SNX2: variants seen among roughly 807,000 people sequenced by gnomAD.
The protein encoded by SNX2 is sorting nexin 2, also known as sorting nexin-2.
A neutral mutation model predicts 69.9 loss-of-function variants in SNX2; 25 were observed. That is an observed-to-expected ratio of 0.36 (90% confidence interval 0.26 to 0.50). The LOEUF (loss-of-function observed/expected upper bound fraction) is 0.50, where lower values mean the gene tolerates loss of function less well. SNX2 is among the 20% of genes least tolerant of loss of function. The pLI is 0.97. For missense variants in SNX2, 551 were observed against 613.3 expected (o/e 0.90, Z 1.07); for synonymous variants, 229 against 200.4 (o/e 1.14, Z -1.20).
At chr5:122,789,146 T>C (rs1753154608) in intron 1 of SNX2, among the ~76,000 whole-genome samples, 2 of 152,180 alleles carry the variant, frequency 1.3e-5, no homozygotes, top group Non-Finnish European at 1.5e-5. Flanking sequence ...CTGTGGGCAG[T>C]GGTTCTAATC....
chr5:122,787,902 TCTTTA>T (rs1169659463), intron 1 of SNX2, among the ~76,000 whole-genome samples: 49 of 152,354 alleles, frequency 3.2e-4, no homozygotes, highest in African/African-American at 1.1e-3. Context: ...TGTATTATAA[TCTTTA>T]CTTCAACAGT....
chr5:122,820,915 A>T (rs140915853), intron 11 of SNX2, among the ~76,000 whole-genome samples: 10 of 152,310 alleles, frequency 6.6e-5, no homozygotes, highest in African/African-American at 2.2e-4. Flanking sequence ...CCAAATATCT[A>T]TTTACATATA....
intron 11 of SNX2, among the ~76,000 whole-genome samples, chr5:122,821,486 C>A (rs560340095): frequency 6.7e-6 from 1 of 149,700 alleles, no homozygotes; most frequent in African/African-American, 2.5e-5. Context: ...GACGGAGACT[C>A]GCTCTGTCGC....
intron 2 of SNX2, among the ~76,000 whole-genome samples, chr5:122,798,018 G>A (rs1370750927): frequency 6.6e-6 from 1 of 152,130 alleles, no homozygotes; most frequent in Non-Finnish European, 1.5e-5. Context: ...TCTTAATAAA[G>A]TTACTATCTC....
At position 122,779,537 on chromosome 5, in the gene SNX2, AGTTT is replaced by A. The variant is rs777442200; in HGVS notation, c.108+4331_108+4334del. 1.7e-3 allele frequency among the ~76,000 whole-genome samples: 256 copies of A among 152,254 alleles called. 1 individual carries two copies. The highest frequency in any genetic ancestry group is 3.2e-3 in the Non-Finnish European group (215 of 68,010). On this transcript the variant is annotated intron_variant, in intron 1 of 14. Coordinates refer to ENST00000379516, the MANE Select transcript of SNX2 (RefSeq NM_003100.4). ...ATATTCTATAGTATGGCTGTACCAC[AGTTT>A]GTTTAACCATTTGTTGATGGACATT...
chr5:122,782,220 T>A (rs951377485), intron 1 of SNX2, among the ~76,000 whole-genome samples: 2 of 152,174 alleles, frequency 1.3e-5, no homozygotes, highest in Non-Finnish European at 2.9e-5. Flanking sequence ...TGTGTCCTTT[T>A]ACATCTTTTG....
intron 11 of SNX2, among the ~76,000 whole-genome samples, chr5:122,822,749 G>C (rs1754052546): frequency 6.6e-6 from 1 of 152,080 alleles, no homozygotes; most frequent in Admixed American, 6.6e-5. Flanking sequence ...GTCATGTATT[G>C]GGCTTCTTTG....
Position 122,775,155 on chromosome 5 carries a change from T to G in SNX2, c.52T>G (p.Phe18Val). 6.3e-7 allele frequency: 1 copy of G among 1,597,006 alleles called. No homozygotes were observed. The highest frequency in any genetic ancestry group is 8.5e-7 in the Non-Finnish European group (1 of 1,173,416). The change falls in exon 1 of 15, where the codon TTT (phenylalanine) becomes GTT (valine). Residue 18 changes from phenylalanine (F) to valine (V), a missense_variant. Phe to Val is a conservative substitution (Grantham distance 50). Coordinates refer to ENST00000379516, the MANE Select transcript of SNX2 (RefSeq NM_003100.4). ...GCTGGGGGACGGGAAGCCCACCGAC[T>G]TTGAGGATCTGGAGGACGGAGAGGA... ...PPLGDGKPTD[F>V]EDLEDGEDLF...
At chr5:122,780,831 G>T (rs1043194185) in intron 1 of SNX2, among the ~76,000 whole-genome samples, 1 of 152,092 alleles carries the variant, frequency 6.6e-6, no homozygotes, top group Non-Finnish European at 1.5e-5. Context: ...GCCCCCTAGA[G>T]TGCTGGGATT....
In SNX2 at chr5:122,834,451, A is replaced by G. The variant is rs1426295237; in HGVS notation, c.*4803A>G. 1.3e-5 allele frequency: 2 copies of G among 152,208 alleles called. No homozygotes were observed. Among genetic ancestry groups the G allele is most frequent in the Non-Finnish European group, 2.9e-5 (2 of 68,022 alleles). 9.4% of individuals were successfully genotyped at this position (152,208 alleles called of 1,614,324 possible). A position where few individuals can be genotyped will look rare whatever the true frequency, so the allele number is the denominator to read the frequency against. On this transcript the variant is annotated 3_prime_UTR_variant, in exon 15 of 15. Coordinates refer to ENST00000379516, the MANE Select transcript of SNX2 (RefSeq NM_003100.4). ...TTATTAAGGTCAGTTAATGGGATAA[A>G]CCGTTTTAAGAGAGTTGAGAAAAAA...
chr5:122,794,036 A>G (rs1753312184), intron 1 of SNX2, among the ~76,000 whole-genome samples: 1 of 151,696 alleles, frequency 6.6e-6, no homozygotes, highest in Admixed American at 6.6e-5. Context: ...AAAGAAGTAC[A>G]AGAGTGGCTC....
intron 2 of SNX2, 69 bp downstream of exon 2, chr5:122,795,452 C>G: frequency 2.8e-6 from 3 of 1,078,946 alleles, no homozygotes; most frequent in Non-Finnish European, 4.2e-6. Flanking sequence ...TAGAAAATAT[C>G]TAAAACAAAA....
intron 1 of SNX2, among the ~76,000 whole-genome samples, chr5:122,780,582 T>C (rs1164113776): frequency 6.6e-6 from 1 of 150,602 alleles, no homozygotes; most frequent in Non-Finnish European, 1.5e-5. Context: ...TTTTCTTTTT[T>C]TTTTTTTGAG....
chr5:122,778,278 A>T, intron 1 of SNX2, among the ~76,000 whole-genome samples: 1 of 152,298 alleles, frequency 6.6e-6, no homozygotes, highest in East Asian at 1.9e-4. Context: ...GTGCTGCAGT[A>T]AACATGGGGG....
chr5:122,827,316 T>C (rs1218552730), intron 12 of SNX2, 63 bp from the exon 13 acceptor site: 1 of 1,295,364 alleles, frequency 7.7e-7, no homozygotes, highest in Non-Finnish European at 1.1e-6. Flanking sequence ...ATTAAGTGAG[T>C]GGTCTTGACA....
In SNX2 at chr5:122,803,495, G is replaced by C; in HGVS notation, c.525G>C (p.Lys175Asn). The change falls in exon 6 of 15, where the codon AAG becomes AAC. Residue 175 changes from lysine to asparagine, a missense_variant. Physicochemically the swap from Lys to Asn is moderately conservative, Grantham distance 94. This residue lies in a region of SNX2 where 360 missense variants were observed against 450.4 expected (regional missense o/e 0.80). Transcript: ENST00000379516. Reference sequence around the variant, plus strand: ...AGACATCTCTTTCCATGTTCAGTAAGAGTGAATTTTCAGTGAAAAGAAGAT... The same window carrying C: ...AGACATCTCTTTCCATGTTCAGTAACAGTGAATTTTCAGTGAAAAGAAGAT... Reference protein sequence around the residue: ...TTKTSLSMFSKSEFSVKRRFS... With the variant: ...TTKTSLSMFSNSEFSVKRRFS... 6.2e-7 allele frequency: 1 copy of C among 1,610,926 alleles called. No homozygotes were observed. The highest frequency in any genetic ancestry group is 8.5e-7 in the Non-Finnish European group (1 of 1,179,240).
At chr5:122,813,344 A>T (rs955393071) in intron 7 of SNX2, among the ~76,000 whole-genome samples, 1 of 152,132 alleles carries the variant, frequency 6.6e-6, no homozygotes, top group Non-Finnish European at 1.5e-5. Context: ...AAATGCATAC[A>T]TGTATTTTTT....
At chr5:122,806,142 G>GCACGCACGCACACACACACACCCACA (rs1554063175) in intron 6 of SNX2, among the ~76,000 whole-genome samples, 1 of 130,584 alleles carries the variant, frequency 7.7e-6, no homozygotes. Flanking sequence ...ACACGCGCGC[G>GCACGCACGCACACACACACACCCACA]CACACACACA....
chr5:122,807,467 T>C (rs908054790), intron 6 of SNX2, among the ~76,000 whole-genome samples: 3 of 152,210 alleles, frequency 2.0e-5, no homozygotes, highest in African/African-American at 7.2e-5. Flanking sequence ...TTACCTATTC[T>C]GGACATTTCA....
Sources: allele counts gnomAD v4.1 joint callset (sites outside exome capture counted in the v4.1 genomes callset), GRCh38; gene constraint gnomAD v4.1.1; regional missense constraint gnomAD v4.1.1; transcripts MANE v1.5; gene names NCBI Gene and HGNC (gene_info 2026-07-23, HGNC 2026-07-21).